The following MSTO1 variants were observed in gnomAD, a reference collection of about 807,000 sequenced individuals.
MSTO1 encodes the protein protein misato homolog 1.
MSTO1 carries 24 observed loss-of-function variants against 55.7 expected under a neutral mutation model. The ratio of observed to expected loss-of-function variants is 0.43; its 90% confidence interval spans 0.31 to 0.61. MSTO1 has a LOEUF of 0.61. Ranked by LOEUF, MSTO1 falls within the 20% of genes least tolerant of loss-of-function variation. The pLI, the probability that MSTO1 is intolerant of heterozygous loss-of-function variation, is 0.09. For missense variants in MSTO1, 363 were observed against 625.7 expected (o/e 0.58, Z 4.48); for synonymous variants, 162 against 252.8 (o/e 0.64, Z 3.41).
chr1:155,571,542 G>T, the MSTO1 span, among the ~76,000 whole-genome samples: 1 of 152,164 alleles, frequency 6.6e-6, no homozygotes, highest in Non-Finnish European at 1.5e-5. Context: ...CTTGGAGACT[G>T]CAGGAGACCC....
chr1:155,579,314 AAAACAAGC>A, the MSTO1 span, among the ~76,000 whole-genome samples: 3 of 147,292 alleles, frequency 2.0e-5, no homozygotes, highest in Non-Finnish European at 4.6e-5. Flanking sequence ...ACTCCATCTC[AAAACAAGC>A]AAACAAACAA....
At chr1:155,563,277 C>A in the MSTO1 span, 2 of 456,304 alleles carry the variant, frequency 4.4e-6, no homozygotes, top group South Asian at 3.1e-5. Context: ...TGGAGCTGGT[C>A]GCAGGCGGTG....
chr1:155,568,827 TTTTTTCTTTTTCTTTTTC>T, the MSTO1 span, among the ~76,000 whole-genome samples: 3 of 141,780 alleles, frequency 2.1e-5, no homozygotes, highest in East Asian at 2.0e-4. Flanking sequence ...CCCCCGGCCT[TTTTTTCTTTTTCTTTTTC>T]TTTTTCTTTT....
At chr1:155,612,721 G>A (rs1674529884) in intron 9 of MSTO1, 123 bp from the exon 10 acceptor site, 2 of 1,427,088 alleles carry the variant, frequency 1.4e-6, no homozygotes, top group South Asian at 2.6e-5. Context: ...TCCTATGCTT[G>A]TCCAGCCTGG....
the MSTO1 span, chr1:155,602,116 C>G: frequency 1.3e-5 from 9 of 709,494 alleles, no homozygotes; most frequent in Non-Finnish European, 2.1e-5. Context: ...TGCAGTCCAA[C>G]TACAACAAAC....
chr1:155,601,739 C>G, the MSTO1 span, among the ~76,000 whole-genome samples: 2 of 151,940 alleles, frequency 1.3e-5, no homozygotes, highest in South Asian at 4.2e-4. Context: ...TTTCTTCTGC[C>G]TTTTATTTAT....
the MSTO1 span, among the ~76,000 whole-genome samples, chr1:155,586,264 A>G: frequency 7.0e-6 from 1 of 143,534 alleles, no homozygotes; most frequent in African/African-American, 2.6e-5. Context: ...GCTGGTCTCG[A>G]AATCCTGACC....
At chr1:155,603,316 G>A in the MSTO1 span, among the ~76,000 whole-genome samples, 12 of 152,088 alleles carry the variant, frequency 7.9e-5, no homozygotes, top group Admixed American at 2.6e-4. Flanking sequence ...AGAATCACTT[G>A]AACCTGAGAG....
chr1:155,580,808 C>A, the MSTO1 span, among the ~76,000 whole-genome samples: 3 of 149,250 alleles, frequency 2.0e-5, no homozygotes, highest in Non-Finnish European at 4.4e-5. Context: ...ACTCGGGAGG[C>A]TGAGGCAGGA....
At chr1:155,567,281 G>T in the MSTO1 span, among the ~76,000 whole-genome samples, 3 of 151,158 alleles carry the variant, frequency 2.0e-5, no homozygotes, top group Non-Finnish European at 4.4e-5. Context: ...GTGTCACCAC[G>T]CCTGTCTAAT....
chr1:155,577,234 G>T, the MSTO1 span, among the ~76,000 whole-genome samples: 1 of 150,922 alleles, frequency 6.6e-6, no homozygotes, highest in African/African-American at 2.4e-5. Flanking sequence ...GACTACAGGC[G>T]CCTGCCACCA....
chr1:155,608,400 G>T (rs1427172392), upstream of MSTO1, among the ~76,000 whole-genome samples: 1 of 151,892 alleles, frequency 6.6e-6, no homozygotes, highest in East Asian at 1.9e-4. Context: ...TCACATTCTC[G>T]AATTTCTGGA....
At chr1:155,609,431 G>A (rs1673365010), upstream of MSTO1, among the ~76,000 whole-genome samples, 1 of 150,324 alleles carries the variant, frequency 6.7e-6, no homozygotes, top group African/African-American at 2.4e-5. Flanking sequence ...TGTATTTTTA[G>A]TAGAGATGGG....
At position 155,613,906 on chromosome 1, in the gene MSTO1, C is replaced by T. The variant is rs1277380726; in HGVS notation, c.1498+140C>T. The T allele has an allele frequency of 4.7e-5, 33 of 708,236 alleles. 1 individual carries two copies. The South Asian group carries it at 4.9e-4, about 11-fold the overall frequency. 43.9% of individuals were successfully genotyped at this position (708,236 alleles called of 1,614,324 possible). Reference sequence around the variant, plus strand: ...TATGGCTCCCAAGAAAAGCATTCTTCCTCTGGAGTACTGGTGTACTAAGGG... The same window carrying T: ...TATGGCTCCCAAGAAAAGCATTCTTTCTCTGGAGTACTGGTGTACTAAGGG... On this transcript the variant is annotated intron_variant, in intron 13 of 13. Coordinates refer to ENST00000245564, the MANE Select transcript of MSTO1 (RefSeq NM_018116.4).
Position 155,612,825 on chromosome 1 carries a change from T to C in MSTO1, c.967-19T>C, listed in dbSNP as rs1409622628. ...TTCCAGGCCTGAGGCCAAGTGCCCA[T>C]CTTGGTGTCTTCTTACAGGCCACTC... On this transcript the variant is annotated intron_variant, in intron 9 of 13. Coordinates refer to ENST00000245564, the MANE Select transcript of MSTO1 (RefSeq NM_018116.4). The C allele has an allele frequency of 1.2e-6, 2 of 1,613,316 alleles. No individual in the cohort carries two copies. The highest frequency in any genetic ancestry group is 2.7e-5 in the African/African-American group (2 of 74,908).
the MSTO1 span, among the ~76,000 whole-genome samples, chr1:155,601,897 G>A: frequency 6.6e-6 from 1 of 152,050 alleles, no homozygotes; most frequent in Non-Finnish European, 1.5e-5. Context: ...TGGGACTACA[G>A]GCGCCTGCCA....
At chr1:155,597,237 C>T in the MSTO1 span, among the ~76,000 whole-genome samples, 1 of 151,998 alleles carries the variant, frequency 6.6e-6, no homozygotes, top group African/African-American at 2.4e-5. Context: ...GGGAGGCCAA[C>T]GCAGGCGGAT....
the MSTO1 span, among the ~76,000 whole-genome samples, chr1:155,603,788 G>A: frequency 6.6e-6 from 1 of 152,092 alleles, no homozygotes; most frequent in Non-Finnish European, 1.5e-5. Context: ...AACCTGGGAG[G>A]CAGAGGTTGC....
chr1:155,569,749 T>C, the MSTO1 span, among the ~76,000 whole-genome samples: 22 of 152,096 alleles, frequency 1.4e-4, no homozygotes, highest in Non-Finnish European at 2.9e-4. Flanking sequence ...TTGTTTTTTT[T>C]GGTTTTTTTG....
Sources: allele counts gnomAD v4.1 joint callset (sites outside exome capture counted in the v4.1 genomes callset), GRCh38; gene constraint gnomAD v4.1.1; transcripts MANE v1.5; gene names NCBI Gene and HGNC (gene_info 2026-07-23, HGNC 2026-07-21).